The following SPRED1 variants were observed in gnomAD, a reference collection of about 807,000 sequenced individuals.
SPRED1 encodes sprouty-related, EVH1 domain-containing protein 1.
In SPRED1, 18 loss-of-function variants were observed where a neutral mutation model predicts 52.3. The ratio of observed to expected loss-of-function variants is 0.34; its 90% CI spans 0.24 to 0.51. The LOEUF (loss-of-function observed/expected upper bound fraction) is 0.51, where lower values mean the gene tolerates loss of function less well. Among genes scored for constraint, SPRED1 ranks in the 20% least tolerant of loss-of-function variants. The pLI, the probability that SPRED1 is intolerant of heterozygous loss-of-function variation, is 0.97. For missense variants in SPRED1, 485 were observed against 551.0 expected, an observed-to-expected ratio of 0.88 and a Z score of 1.20; for synonymous variants, 155 against 179.7, an observed-to-expected ratio of 0.86 and a Z score of 1.10.
chr15:38,262,688 G>A (rs565575689), intron 1 of SPRED1, among the ~76,000 whole-genome samples: 1 of 152,286 alleles, frequency 6.6e-6, no homozygotes, highest in African/African-American at 2.4e-5. Flanking sequence ...TAAAATATGA[G>A]ACACAATATG....
At chr15:38,261,005 C>T (rs1894193920) in intron 1 of SPRED1, among the ~76,000 whole-genome samples, 4 of 152,180 alleles carry the variant, frequency 2.6e-5, no homozygotes, top group Non-Finnish European at 4.4e-5. Context: ...AAACCTCACT[C>T]AGCGAACTAG....
At chr15:38,260,326 A>T (rs1231936782) in intron 1 of SPRED1, among the ~76,000 whole-genome samples, 1 of 152,178 alleles carries the variant, frequency 6.6e-6, no homozygotes, top group East Asian at 1.9e-4. Context: ...CTTCATCATC[A>T]CATGGCGGTG....
chr15:38,345,754 G>A (rs1024293768), intron 5 of SPRED1, among the ~76,000 whole-genome samples: 20 of 152,132 alleles, frequency 1.3e-4, no homozygotes, highest in African/African-American at 4.8e-4. Flanking sequence ...GTGCACTTCA[G>A]TAGCCTGCCT....
chr15:38,337,704 A>G (rs1895948973), intron 4 of SPRED1, among the ~76,000 whole-genome samples: 1 of 152,158 alleles, frequency 6.6e-6, no homozygotes, highest in Admixed American at 6.6e-5. Context: ...GTTTGTTCAT[A>G]TGCAGATATT....
intron 4 of SPRED1, 68 bp from the exon 5 acceptor site, chr15:38,339,669 G>T (rs1005788400): frequency 6.6e-7 from 1 of 1,510,796 alleles, no homozygotes; most frequent in East Asian, 2.3e-5. Context: ...TAGAGTGAAA[G>T]TATCTTATTT....
Position 38,283,335 on chromosome 15 carries a change from T to C in SPRED1, c.33-16038T>C, listed in dbSNP as rs529598081. ...AGTCACCTCCCACCTGGTTCCTCCC[T>C]TGACATGTGGGGATTACAATTCAAG... On this transcript the variant is annotated intron_variant, in intron 1 of 6. Coordinates refer to ENST00000299084, the MANE Select transcript of SPRED1 (RefSeq NM_152594.3). 6.8e-4 allele frequency among the ~76,000 whole-genome samples: 104 copies of C among 152,260 alleles called. 1 individual carries two copies. The highest frequency in any genetic ancestry group is 3.4e-3 in the Middle Eastern group (1 of 294).
At chr15:38,334,127 A>G (rs1200003853) in intron 4 of SPRED1, among the ~76,000 whole-genome samples, 2 of 152,074 alleles carry the variant, frequency 1.3e-5, no homozygotes, top group East Asian at 1.9e-4. Context: ...ACACATGTCA[A>G]GGTGAATGAA....
intron 1 of SPRED1, among the ~76,000 whole-genome samples, chr15:38,278,760 A>G (rs1894615184): frequency 2.1e-5 from 1 of 47,020 alleles, no homozygotes; most frequent in African/African-American, 4.4e-5. Flanking sequence ...TTCTAAAGGA[A>G]GAATGACAAA....
At chr15:38,260,960 A>G (rs973994469) in intron 1 of SPRED1, among the ~76,000 whole-genome samples, 3 of 152,212 alleles carry the variant, frequency 2.0e-5, no homozygotes, top group African/African-American at 7.2e-5. Flanking sequence ...AAATATTACA[A>G]ATAGTGGCTG....
At chr15:38,269,141 C>T (rs897903926) in intron 1 of SPRED1, among the ~76,000 whole-genome samples, 5 of 151,884 alleles carry the variant, frequency 3.3e-5, no homozygotes, top group African/African-American at 9.7e-5. Flanking sequence ...GGGGTTTCAC[C>T]GTGTGTTAGC....
rs1230314034 is a variant in SPRED1 at position 38,355,492 on chromosome 15, A to G, written c.*3828A>G. On this transcript the variant is annotated 3_prime_UTR_variant, in exon 7 of 7. Coordinates refer to ENST00000299084, the MANE Select transcript of SPRED1 (RefSeq NM_152594.3). ...AAATGGCACGGAAATGTTTCTTAAT[A>G]TGCACGTGAGTCTCCAGAGTACAGG... The G allele has an allele frequency of 6.6e-6, 1 of 152,118 alleles. No homozygotes were observed. Among genetic ancestry groups the G allele is most frequent in the East Asian group, 1.9e-4 (1 of 5,196 alleles). The allele number at this position is 152,118 out of a possible 1,614,324, so 9.4% of individuals were successfully genotyped here.
intron 5 of SPRED1, among the ~76,000 whole-genome samples, chr15:38,348,119 A>G (rs532681379): frequency 6.6e-6 from 1 of 152,158 alleles, no homozygotes; most frequent in Non-Finnish European, 1.5e-5. Flanking sequence ...TGTATATTTA[A>G]TATACTAGTT....
At chr15:38,340,995 A>AT (rs36150872) in intron 5 of SPRED1, among the ~76,000 whole-genome samples, 13,150 of 128,182 alleles carry the variant, frequency 0.1, 826 homozygotes, top group East Asian at 0.22. Flanking sequence ...CTGGGCCTGG[A>AT]TTTTTTTTTT....
chr15:38,317,677 G>A (rs1490910069), intron 2 of SPRED1, among the ~76,000 whole-genome samples: 3 of 151,886 alleles, frequency 2.0e-5, no homozygotes, highest in African/African-American at 7.2e-5. Context: ...AAAATAGCCA[G>A]CAGAATTCAG....
At position 38,347,211 on chromosome 15, in the gene SPRED1, G is replaced by T. The variant is rs1363275809; in HGVS notation, c.583-2211G>T. Among the ~76,000 whole-genome samples the T allele has an allele frequency of 7.9e-5, 12 of 151,826 alleles. No individual in the cohort carries two copies. In the East Asian group the frequency reaches 2.3e-3, roughly 29 times the overall value. On this transcript the variant is annotated intron_variant, in intron 5 of 6. Coordinates refer to ENST00000299084, the MANE Select transcript of SPRED1 (RefSeq NM_152594.3). Reference sequence around the variant, plus strand: ...CACTTTAATTTGATTTCTCTTCTATGGTAGGGACCAAATTTTATTTTTTCC... The same window carrying T: ...CACTTTAATTTGATTTCTCTTCTATTGTAGGGACCAAATTTTATTTTTTCC...
At chr15:38,324,733 T>C (rs774560090) in intron 3 of SPRED1, 30 bp from the exon 4 acceptor site, 1 of 1,560,828 alleles carries the variant, frequency 6.4e-7, no homozygotes, top group Admixed American at 1.8e-5. Context: ...AAAAATTCTA[T>C]ACTTAATTAA....
chr15:38,319,164 G>A (rs1420293339), intron 2 of SPRED1, among the ~76,000 whole-genome samples: 1 of 151,966 alleles, frequency 6.6e-6, no homozygotes, highest in East Asian at 1.9e-4. Context: ...TTCCAATTTA[G>A]CATTGTTTTA....
At position 38,324,796 on chromosome 15, in the gene SPRED1, C is replaced by A. The variant is rs1355725873; in HGVS notation, c.410C>A (p.Ala137Glu). Residue 137 changes from alanine (A) to glutamate (E), a missense_variant, in exon 4 of 7, where the codon GCA becomes GAA. Transcript: ENST00000299084. ...GAATCAAAAAATGAAGCTGAAGGGG[C>A]AGATGACTTACAAGTAAGTAATGGC... ...CPESKNEAEG[A>E]DDLQANEEDS... The A allele has an allele frequency of 1.2e-6, 2 of 1,611,724 alleles. No homozygotes were observed. Among genetic ancestry groups the A allele is most frequent in the South Asian group, 1.1e-5 (1 of 90,614 alleles).
In SPRED1 at chr15:38,263,411, C is replaced by T. The variant is rs187454626; in HGVS notation, c.32+10194C>T. 2.6e-3 allele frequency among the ~76,000 whole-genome samples: 395 copies of T among 151,984 alleles called. 1 individual carries two copies. The highest frequency in any genetic ancestry group is 4.5e-3 in the Non-Finnish European group (306 of 67,970). On this transcript the variant is annotated intron_variant, in intron 1 of 6. Coordinates refer to ENST00000299084, the MANE Select transcript of SPRED1 (RefSeq NM_152594.3). Reference sequence around the variant, plus strand: ...TCTTCAGCATATATAGTAGTTGAGGCCAGTGGAAAATTTCCCATTGAGAAT... The same window carrying T: ...TCTTCAGCATATATAGTAGTTGAGGTCAGTGGAAAATTTCCCATTGAGAAT...
Sources: gnomAD v4.1 joint callset for allele counts (sites outside exome capture counted in the v4.1 genomes callset) on GRCh38, gnomAD v4.1.1 for gene constraint, MANE v1.5 for transcripts, NCBI Gene and HGNC (gene_info 2026-07-23, HGNC 2026-07-21) for gene names.